The following NELL1 variants were observed in gnomAD, a reference collection of about 807,000 sequenced individuals.
NELL1 encodes neural EGFL like 1, also known as protein kinase C-binding protein NELL1.
A neutral mutation model predicts 107.4 loss-of-function variants in NELL1; 76 were observed. That is an observed-to-expected ratio of 0.71 (90% CI 0.59 to 0.86). The LOEUF (loss-of-function observed/expected upper bound fraction) is 0.86, where lower values mean the gene tolerates loss of function less well. NELL1 is among the 40% of genes least tolerant of loss of function. The probability of loss-of-function intolerance (pLI) is 0.00; values close to 1 mark genes in which losing one functional copy is unlikely to be tolerated. For synonymous variants in NELL1, 353 were observed against 341.2 expected, an observed-to-expected ratio of 1.03 and a Z score of -0.38; for missense variants, 1,024 against 1,005.5, an observed-to-expected ratio of 1.02 and a Z score of -0.25.
intron 14 of NELL1, among the ~76,000 whole-genome samples, chr11:21,265,468 T>C (rs1203010972): frequency 6.6e-6 from 1 of 152,066 alleles, no homozygotes; most frequent in African/African-American, 2.4e-5. Flanking sequence ...CTGTCAGCTC[T>C]TCTGTGGTTA....
Position 21,337,837 on chromosome 11 carries a change from T to TTTCCTTTCTTTCTTTC in NELL1, c.1550-33014_1550-33013insCCTTTCTTTCTTTCTT, listed in dbSNP as rs71034505. Among the ~76,000 whole-genome samples, 294 of 86,640 alleles carry TTTCCTTTCTTTCTTTC rather than the reference T, an allele frequency of 3.4e-3. 5 individuals carry two copies. Among genetic ancestry groups the TTTCCTTTCTTTCTTTC allele is most frequent in the African/African-American group, 0.013 (280 of 21,230 alleles). The allele number at this position is 86,640 out of a possible 152,430, so 56.8% of individuals were successfully genotyped here. On this transcript the variant is annotated intron_variant, in intron 14 of 19. Coordinates refer to ENST00000357134, the MANE Select transcript of NELL1 (RefSeq NM_006157.5). ...CTTTCCTTCTTTCTTTCTTTCTTTC[T>TTTCCTTTCTTTCTTTC]TTTCTTTCTTTCTTTCTTTCTTTCT... is the stretch of plus-strand genomic sequence containing the variant.
chr11:20,703,854 C>A (rs1007682866), intron 2 of NELL1, among the ~76,000 whole-genome samples: 1 of 152,198 alleles, frequency 6.6e-6, no homozygotes, highest in Non-Finnish European at 1.5e-5. Context: ...TTTGATTGCA[C>A]TGTGGTCTGA....
At chr11:21,201,849 T>G (rs2133848998) in intron 13 of NELL1, among the ~76,000 whole-genome samples, 1 of 152,308 alleles carries the variant, frequency 6.6e-6, no homozygotes, top group East Asian at 1.9e-4. Context: ...GGTATTGAAT[T>G]TTGTCGAAGG....
intron 14 of NELL1, among the ~76,000 whole-genome samples, chr11:21,327,631 G>T (rs2133679908): frequency 6.6e-6 from 1 of 152,322 alleles, no homozygotes; most frequent in South Asian, 2.1e-4. Flanking sequence ...ATGTGGAAGT[G>T]ACTTTGGAAC....
intron 2 of NELL1, among the ~76,000 whole-genome samples, chr11:20,731,194 A>G (rs1217062653): frequency 6.6e-6 from 1 of 152,220 alleles, no homozygotes; most frequent in Non-Finnish European, 1.5e-5. Flanking sequence ...GGAGGTCTGC[A>G]CTTATATGGG....
intron 13 of NELL1, among the ~76,000 whole-genome samples, chr11:21,115,282 T>TC (rs984342158): frequency 6.6e-6 from 1 of 151,150 alleles, no homozygotes; most frequent in Non-Finnish European, 1.5e-5. Context: ...AGTGCCCTTC[T>TC]CCCCCCTACA....
In NELL1 at chr11:21,118,448, C is replaced by T. The variant is rs142956380; in HGVS notation, c.1426+4734C>T. ...CTTGTTAGACCAAACGTGCTCTGTA[C>T]TCTCCAAGATATATTATGTCCCCAC... On this transcript the variant is annotated intron_variant, in intron 13 of 19. Coordinates refer to ENST00000357134, the MANE Select transcript of NELL1 (RefSeq NM_006157.5). Among the ~76,000 whole-genome samples, 227 of 152,092 alleles carry T rather than the reference C, an allele frequency of 1.5e-3. 2 individuals carry two copies. The East Asian group carries it at 0.027, about 18-fold the overall frequency.
intron 2 of NELL1, among the ~76,000 whole-genome samples, chr11:20,774,327 T>A (rs1239526450): frequency 1.4e-5 from 2 of 146,728 alleles, no homozygotes; most frequent in Non-Finnish European, 3.0e-5. Context: ...CCTTTCTTTT[T>A]TTCTTTCCTT....
At chr11:21,245,550 C>T (rs1858468091) in intron 14 of NELL1, among the ~76,000 whole-genome samples, 1 of 152,170 alleles carries the variant, frequency 6.6e-6, no homozygotes, top group Admixed American at 6.6e-5. Flanking sequence ...TTCACCTCTA[C>T]TCTGTGTCCA....
intron 15 of NELL1, among the ~76,000 whole-genome samples, chr11:21,434,317 G>C (rs1420975327): frequency 2.0e-5 from 3 of 152,100 alleles, no homozygotes; most frequent in Non-Finnish European, 4.4e-5. Flanking sequence ...AGGTTTTATA[G>C]TTTCAGGTTT....
At chr11:20,781,978 T>C (rs1392511756) in intron 2 of NELL1, among the ~76,000 whole-genome samples, 1 of 149,790 alleles carries the variant, frequency 6.7e-6, no homozygotes, top group Non-Finnish European at 1.5e-5. Flanking sequence ...GAGGTGGAGG[T>C]TGCAGTGAGC....
chr11:20,724,723 C>A (rs1855469794), intron 2 of NELL1, among the ~76,000 whole-genome samples: 1 of 152,206 alleles, frequency 6.6e-6, no homozygotes, highest in African/African-American at 2.4e-5. Flanking sequence ...GCCCTCTAAA[C>A]TGTTCTAACA....
At chr11:21,191,235 T>C (rs1370832925) in intron 13 of NELL1, among the ~76,000 whole-genome samples, 1 of 151,710 alleles carries the variant, frequency 6.6e-6, no homozygotes, top group Non-Finnish European at 1.5e-5. Context: ...CTGGGTGGGA[T>C]CAATTTAGTC....
At chr11:20,713,278 T>C (rs1378567609) in intron 2 of NELL1, among the ~76,000 whole-genome samples, 1 of 152,078 alleles carries the variant, frequency 6.6e-6, no homozygotes, top group East Asian at 1.9e-4. Context: ...AGAAATACCA[T>C]CAGGTGGGGG....
chr11:21,199,984 T>G (rs1226350836), intron 13 of NELL1, among the ~76,000 whole-genome samples: 1 of 152,216 alleles, frequency 6.6e-6, no homozygotes, highest in Non-Finnish European at 1.5e-5. Flanking sequence ...ACCCATCCGT[T>G]TTATGGCCGC....
chr11:20,804,075 A>ATATG (rs1321293728), intron 3 of NELL1, among the ~76,000 whole-genome samples: 1 of 151,438 alleles, frequency 6.6e-6, no homozygotes, highest in Non-Finnish European at 1.5e-5. Flanking sequence ...ATATATATAT[A>ATATG]TATTCCATTA....
At chr11:21,405,684 G>C (rs1026404790) in intron 15 of NELL1, among the ~76,000 whole-genome samples, 2 of 151,918 alleles carry the variant, frequency 1.3e-5, no homozygotes, top group Non-Finnish European at 2.9e-5. Flanking sequence ...CCAAACTCTA[G>C]CTCCACATGC....
At chr11:20,978,051 C>G (rs1323006008) in intron 12 of NELL1, among the ~76,000 whole-genome samples, 1 of 152,170 alleles carries the variant, frequency 6.6e-6, no homozygotes, top group African/African-American at 2.4e-5. Context: ...GAGACTCACC[C>G]TAAGCTTACC....
intron 16 of NELL1, among the ~76,000 whole-genome samples, chr11:21,550,360 C>T (rs1451464179): frequency 1.3e-5 from 2 of 151,904 alleles, no homozygotes; most frequent in South Asian, 4.1e-4. Context: ...TCCCGTTTGT[C>T]AATTTTGGCT....
Sources: allele counts gnomAD v4.1 joint callset (sites outside exome capture counted in the v4.1 genomes callset), GRCh38; gene constraint gnomAD v4.1.1; transcripts MANE v1.5; gene names NCBI Gene and HGNC (gene_info 2026-07-23, HGNC 2026-07-21).